Variants in TMC6 observed in about 807,000 individuals in gnomAD.
The protein encoded by TMC6 is transmembrane channel-like protein 6.
TMC6 carries 71 observed loss-of-function variants against 95.4 expected under a neutral mutation model. That is an observed-to-expected ratio of 0.74 (90% CI 0.61 to 0.91). TMC6 has a LOEUF of 0.91. Among genes scored for constraint, TMC6 ranks in the 40% least tolerant of loss-of-function variants. The pLI, the probability that TMC6 is intolerant of heterozygous loss-of-function variation, is 0.00. For missense variants in TMC6, 1,074 were observed against 1,079.1 expected (o/e 1.00, Z 0.07); for synonymous variants, 514 against 483.1 (o/e 1.06, Z -0.84).
At chr17:78,125,376 G>A (rs1460109953) in intron 5 of TMC6, 113 bp from the exon 6 acceptor site, 8 of 974,820 alleles carry the variant, frequency 8.2e-6, no homozygotes, top group African/African-American at 3.2e-5. Flanking sequence ...GAGACACCTC[G>A]GTGCCCTTAT....
intron 18 of TMC6, among the ~76,000 whole-genome samples, chr17:78,116,159 T>C (rs2074099259): frequency 1.3e-5 from 2 of 151,808 alleles, no homozygotes; most frequent in African/African-American, 4.8e-5. Context: ...GTACTTTTAG[T>C]AGAGACGGGG....
rs974973774 is a variant in TMC6 at position 78,113,865 on chromosome 17, T to A, written c.2278-241A>T. On this transcript the variant is annotated intron_variant, in intron 18 of 19. Transcript: ENST00000590602. ...GGCCAAAGTGAAAAGGGAAATGTAA[T>A]CAGCAGCCCAGAGCCAGCCTGACTC... 32 of 536,844 alleles carry A rather than the reference T, an allele frequency of 6.0e-5. No individual in the cohort carries two copies. The Middle Eastern group carries it at 1.5e-3, about 26-fold the overall frequency. 33.3% of individuals were successfully genotyped at this position (536,844 alleles called of 1,614,324 possible).
chr17:78,131,079 G>A (rs1302437934), upstream of TMC6: 7 of 191,306 alleles, frequency 3.7e-5, no homozygotes, highest in East Asian at 3.5e-4. Flanking sequence ...GGCAGATGCC[G>A]AGTCCCAGGA....
At chr17:78,123,601 G>GTGGA (rs2074530275) in intron 9 of TMC6, among the ~76,000 whole-genome samples, 1 of 113,260 alleles carries the variant, frequency 8.8e-6, no homozygotes, top group Non-Finnish European at 2.0e-5. Flanking sequence ...GGATGGGTGG[G>GTGGA]TGAATGGATG....
At chr17:78,128,854 CCCCGCCCT>C (rs2074882592), upstream of TMC6, 1 of 151,052 alleles carries the variant, frequency 6.6e-6, no homozygotes, top group Non-Finnish European at 1.5e-5. This position sits in a 1 kb window ranked among gnomAD's most constrained non-coding sequence, Gnocchi z 4.0. Context: ...CCCGCGGCGC[CCCCGCCCT>C]CCTCCGGGCG....
In TMC6 at chr17:78,119,726, C is replaced by T. The variant is rs572976241; in HGVS notation, c.1716-334G>A. ...CGTGGCTCACTGCAGCCTTGACCTC[C>T]TGGGATCAAGCAGTCCTCCCACCTC... On this transcript the variant is annotated intron_variant, in intron 13 of 19. Coordinates refer to ENST00000590602, the MANE Select transcript of TMC6 (RefSeq NM_001127198.5). 5 of 413,262 alleles carry T rather than the reference C, an allele frequency of 1.2e-5. No individual in the cohort carries two copies. In the East Asian group the frequency reaches 3.0e-4, roughly 25 times the overall value. 25.6% of individuals were successfully genotyped at this position (413,262 alleles called of 1,614,324 possible).
chr17:78,126,480 C>T (rs1380587461), intron 3 of TMC6, 44 bp downstream of exon 3: 1 of 1,611,366 alleles, frequency 6.2e-7, no homozygotes, highest in South Asian at 1.1e-5. Flanking sequence ...GCTGGGGCAC[C>T]CAAGTCTTGG....
chr17:78,111,022 C>A lies in TMC6; in HGVS notation c.*2126G>T, dbSNP rs1445754559. The A allele has an allele frequency of 6.6e-6, 1 of 152,236 alleles. No homozygotes were observed. Among genetic ancestry groups the A allele is most frequent in the African/African-American group, 2.4e-5 (1 of 41,458 alleles). 9.4% of individuals were successfully genotyped at this position (152,236 alleles called of 1,614,324 possible). ...ACATCCAGTGGGAGTGGGAAGCCGC[C>A]GTCTCAAGGCAGAATTCCCTCTCTG... is the stretch of plus-strand genomic sequence containing the variant. On this transcript the variant is annotated 3_prime_UTR_variant, in exon 20 of 20. Transcript: ENST00000590602.
At chr17:78,126,418 G>T (rs745638217) in intron 3 of TMC6, 52 bp from the exon 4 acceptor site, 3 of 1,604,578 alleles carry the variant, frequency 1.9e-6, no homozygotes, top group Non-Finnish European at 2.5e-6. Context: ...ATTGGCCACA[G>T]TATCTCCCAC....
At chr17:78,132,007 AG>A, upstream of TMC6, 2 of 1,532,744 alleles carry the variant, frequency 1.3e-6, no homozygotes, top group South Asian at 1.2e-5. Context: ...GGGCTCTGGG[AG>A]GGGGCGCTCT....
rs201785708 is a variant in TMC6 at position 78,126,628 on chromosome 17, T to A, written c.77A>T (p.Asp26Val). ...GDQGQGPSPY[D>V]ESEVHDSFQQ... Reference sequence around the variant, plus strand: ...GAAGGAGTCGTGCACTTCGCTTTCATCATAGGGGCTGGGGCCCTGGCTGCA... The same window carrying A: ...GAAGGAGTCGTGCACTTCGCTTTCAACATAGGGGCTGGGGCCCTGGCTGCA... Residue 26 changes from aspartate to valine, a missense_variant, in exon 3 of 20, where the codon GAT becomes GTT. Asp to Val is a radical substitution (Grantham distance 152). Coordinates refer to ENST00000590602, the MANE Select transcript of TMC6 (RefSeq NM_001127198.5). The A allele has an allele frequency of 1.9e-6, 3 of 1,613,440 alleles. No homozygotes were observed. Among genetic ancestry groups the A allele is most frequent in the Non-Finnish European group, 2.5e-6 (3 of 1,179,964 alleles).
chr17:78,121,654 G>C lies in TMC6; in HGVS notation c.1285C>G (p.Arg429Gly), dbSNP rs748800265. 1 of 1,604,406 alleles carries C rather than the reference G, an allele frequency of 6.2e-7. No individual in the cohort carries two copies. The highest frequency in any genetic ancestry group is 1.1e-5 in the South Asian group (1 of 90,532). Reference sequence around the variant, plus strand: ...ACAAGCCCCAGCACAGCCGCCTGCCGCAGCCTCCCGCACACGCTCCTGGGG... The same window carrying C: ...ACAAGCCCCAGCACAGCCGCCTGCCCCAGCCTCCCGCACACGCTCCTGGGG... ...HSPRSVCGRL[R>G]QAAVLGLVWL... The change falls in exon 11 of 20, where the codon CGG (arginine) becomes GGG (glycine). Residue 429 changes from arginine (R) to glycine (G), a missense_variant. Transcript: ENST00000590602. The surrounding 1 kb of genome is among the most constrained non-coding windows in gnomAD (Gnocchi z 5.6).
chr17:78,109,046 C>T lies in TMC6; in HGVS notation c.*4102G>A, dbSNP rs975147980. On this transcript the variant is annotated 3_prime_UTR_variant, in exon 20 of 20. Transcript: ENST00000590602. The stretch of plus-strand genomic sequence containing the variant: ...TTTTTTATTTTTGTAGAGATAGGGT[C>T]TCACCATGTTGCCCAGGCTGATCTC... The T allele has an allele frequency of 6.3e-5, 12 of 190,772 alleles. No homozygotes were observed. Among genetic ancestry groups the T allele is most frequent in the African/African-American group, 2.8e-4 (12 of 42,524 alleles). The allele number at this position is 190,772 out of a possible 1,614,324, so 11.8% of individuals were successfully genotyped here. A position where few individuals can be genotyped will look rare whatever the true frequency, so the allele number is the denominator to read the frequency against.
chr17:78,126,801 A>AG lies in TMC6; in HGVS notation c.31_32insC (p.Val11AlafsTer3). The AG allele has an allele frequency of 6.2e-7, 1 of 1,613,216 alleles. No individual in the cohort carries two copies. On this transcript the variant is annotated frameshift_variant, in exon 2 of 20. Transcript: ENST00000590602. LOFTEE classifies it high-confidence loss of function. Reference sequence around the variant, plus strand: ...CCCCTGGTCCCCTGGGGTCTCAGGGACATCGAGGATGAAGGCCAGTGGCTG... The same window carrying AG: ...CCCCTGGTCCCCTGGGGTCTCAGGGAGCATCGAGGATGAAGGCCAGTGGCTG...
chr17:78,119,781 C>G, intron 13 of TMC6: 1 of 395,282 alleles, frequency 2.5e-6, no homozygotes, highest in South Asian at 2.0e-5. Flanking sequence ...ACTACAGGCA[C>G]ACACCACCAG....
At position 78,124,151 on chromosome 17, in the gene TMC6, T is replaced by C; in HGVS notation, c.920A>G (p.Tyr307Cys). ...CAGCGTGGCGTTACTGTAGTGGCCG[T>C]AGTACATGACGGTGTGGGTGAAGCA... is the stretch of plus-strand genomic sequence containing the variant. ...AGCFTHTVMY[Y>C]GHYSNATLNQ... The change falls in exon 9 of 20, where the codon TAC becomes TGC. Residue 307 changes from tyrosine to cysteine, a missense_variant. By Grantham distance (194) the Tyr-to-Cys change is radical. Transcript: ENST00000590602. The C allele has an allele frequency of 6.2e-7, 1 of 1,612,306 alleles. No homozygotes were observed. The highest frequency in any genetic ancestry group is 8.5e-7 in the Non-Finnish European group (1 of 1,179,838).
chr17:78,125,080 C>T lies in TMC6; in HGVS notation c.536+78G>A, dbSNP rs1598869898. 5 of 1,541,486 alleles carry T rather than the reference C, an allele frequency of 3.2e-6. No homozygotes were observed. The Admixed American group carries it at 5.9e-5, about 18-fold the overall frequency. On this transcript the variant is annotated intron_variant, in intron 6 of 19. Coordinates refer to ENST00000590602, the MANE Select transcript of TMC6 (RefSeq NM_001127198.5). ...CCACCCACGGGCTCAGCCCCTTCTC[C>T]CCCACCACCTAGCCCAGCTGAGGAA...
intron 17 of TMC6, 51 bp from the exon 18 acceptor site, chr17:78,117,398 G>C: frequency 6.2e-7 from 1 of 1,612,276 alleles, no homozygotes; most frequent in South Asian, 1.1e-5. Flanking sequence ...CCCGGGAGCG[G>C]CCAGTCCCCA....
At position 78,122,408 on chromosome 17, in the gene TMC6, G is replaced by T. The variant is rs3818145; in HGVS notation, c.1227+197C>A. ...CAACAGAGGCAGCCCCTAACTGATG[G>T]GTGTGTGCCAGAGAAAAACTCAGGG... On this transcript the variant is annotated intron_variant, in intron 10 of 19. Transcript: ENST00000590602. This position sits in a 1 kb window ranked among gnomAD's most constrained non-coding sequence, Gnocchi z 4.9. Among the ~76,000 whole-genome samples the T allele has an allele frequency of 1.1e-4, 17 of 151,864 alleles. No individual in the cohort carries two copies. Among genetic ancestry groups the T allele is most frequent in the African/African-American group, 4.1e-4 (17 of 41,290 alleles).
Sources: gnomAD v4.1 joint callset for allele counts (sites outside exome capture counted in the v4.1 genomes callset) on GRCh38, gnomAD v4.1.1 for gene constraint, Gnocchi (gnomAD v3.1) non-coding constraint, MANE v1.5 for transcripts, NCBI Gene and HGNC (gene_info 2026-07-23, HGNC 2026-07-21) for gene names.